The following KCNQ1 variants were observed in gnomAD, a reference collection of about 807,000 sequenced individuals.
The protein encoded by KCNQ1 is potassium voltage-gated channel subfamily Q member 1, also known as potassium voltage-gated channel subfamily KQT member 1.
Under a neutral mutation model 72.4 loss-of-function variants are expected in KCNQ1, and 49 were observed. The observed-to-expected ratio is 0.68, with a 90% CI of 0.54 to 0.86. The LOEUF (loss-of-function observed/expected upper bound fraction) is 0.86. Ranked by LOEUF, KCNQ1 falls within the 40% of genes least tolerant of loss-of-function variation. The probability of loss-of-function intolerance (pLI) is 0.00; values close to 1 mark genes in which losing one functional copy is unlikely to be tolerated. For synonymous variants in KCNQ1, 450 were observed against 412.6 expected (o/e 1.09, Z -1.10); for missense variants, 790 against 945.1 (o/e 0.84, Z 2.15).
chr11:2,618,203 G>A (rs1849101164), intron 10 of KCNQ1: 2 of 398,352 alleles, frequency 5.0e-6, no homozygotes, highest in Non-Finnish European at 8.8e-6. Context: ...TATGTATGGT[G>A]TAAGGCAGCG....
chr11:2,506,579 T>C (rs1169747683), intron 1 of KCNQ1, among the ~76,000 whole-genome samples: 2 of 152,368 alleles, frequency 1.3e-5, no homozygotes, highest in African/African-American at 4.8e-5. Flanking sequence ...TAGGTATGGA[T>C]GTTCCTATTG....
chr11:2,768,899 G>A lies in KCNQ1; in HGVS notation c.1570G>A (p.Val524Met). 1 of 1,614,028 alleles carries A rather than the reference G, an allele frequency of 6.2e-7. No homozygotes were observed. Among genetic ancestry groups the A allele is most frequent in the East Asian group, 2.2e-5 (1 of 44,850 alleles). Residue 524 changes from valine to methionine, a missense_variant, in exon 12 of 16, where the codon GTG becomes ATG. Val to Met is a conservative substitution (Grantham distance 21). This residue lies in a region of KCNQ1 where 91 missense variants were observed against 139.1 expected (regional missense o/e 0.65). Coordinates refer to ENST00000155840, the MANE Select transcript of KCNQ1 (RefSeq NM_000218.3). The surrounding 1 kb of genome is among the most constrained non-coding windows in gnomAD (Gnocchi z 6.7). ...IKVIRRMQYF[V>M]AKKKFQQARK... is the part of the protein sequence containing the mutation. ...GGTCATTCGACGCATGCAGTACTTT[G>A]TGGCCAAGAAGAAATTCCAGGTAAG...
chr11:2,601,563 G>C lies in KCNQ1; in HGVS notation c.1393+12709G>C, dbSNP rs533711705. Reference sequence around the variant, plus strand: ...GTTCCCATTATTTGTCCTTTTACACGGACTTTCTCCCATCCCATCCCTCCA... The same window carrying C: ...GTTCCCATTATTTGTCCTTTTACACCGACTTTCTCCCATCCCATCCCTCCA... On this transcript the variant is annotated intron_variant, in intron 10 of 15. Coordinates refer to ENST00000155840, the MANE Select transcript of KCNQ1 (RefSeq NM_000218.3). The surrounding 1 kb of genome is among the most constrained non-coding windows in gnomAD (Gnocchi z 5.2). 4.4e-4 allele frequency among the ~76,000 whole-genome samples: 67 copies of C among 152,134 alleles called. No homozygotes were observed. The highest frequency in any genetic ancestry group is 1.5e-3 in the African/African-American group (62 of 41,510).
rs1285777048 is a variant in KCNQ1 at position 2,687,176 on chromosome 11, CA to C, written c.1514+25099del. 2 of 398,528 alleles carry C rather than the reference CA, an allele frequency of 5.0e-6. No homozygotes were observed. Among genetic ancestry groups the C allele is most frequent in the Non-Finnish European group, 8.8e-6 (2 of 226,084 alleles). 24.7% of individuals were successfully genotyped at this position (398,528 alleles called of 1,614,324 possible). A position where few individuals can be genotyped will look rare whatever the true frequency, so the allele number is the denominator to read the frequency against. ...TCCTCCACAAAGCACAGAAGTCTGC[CA>C]AAAGCCCAGGCTGGATAGGGAGCAT... On this transcript the variant is annotated intron_variant, in intron 11 of 15. Coordinates refer to ENST00000155840, the MANE Select transcript of KCNQ1 (RefSeq NM_000218.3). This position sits in a 1 kb window ranked among gnomAD's most constrained non-coding sequence, Gnocchi z 5.0.
chr11:2,621,440 C>A lies in KCNQ1; in HGVS notation c.1393+32586C>A, dbSNP rs546366368. ...GTTTAAGTTCCTTATGGATTCTGGA[C>A]ATAGGACCTTTGCCAGATGAATAGT... On this transcript the variant is annotated intron_variant, in intron 10 of 15. Transcript: ENST00000155840. The surrounding 1 kb of genome is among the most constrained non-coding windows in gnomAD (Gnocchi z 5.7). The A allele has an allele frequency of 7.3e-5, 29 of 398,554 alleles. No individual in the cohort carries two copies. In the South Asian group the frequency reaches 3.6e-3, roughly 49 times the overall value. 24.7% of individuals were successfully genotyped at this position (398,554 alleles called of 1,614,324 possible). A position where few individuals can be genotyped will look rare whatever the true frequency, so the allele number is the denominator to read the frequency against.
rs923036187 is a variant in KCNQ1 at position 2,508,885 on chromosome 11, C to G, written c.387-19043C>G. 1.3e-5 allele frequency among the ~76,000 whole-genome samples: 2 copies of G among 152,328 alleles called. No individual in the cohort carries two copies. The highest frequency in any genetic ancestry group is 3.9e-4 in the East Asian group (2 of 5,186). ...CACCCATGTGCCTGATGCACACAGC[C>G]TGGCCCTTGTGGGCACTGGAGGGCA... On this transcript the variant is annotated intron_variant, in intron 1 of 15. Transcript: ENST00000155840. This position sits in a 1 kb window ranked among gnomAD's most constrained non-coding sequence, Gnocchi z 6.2.
intron 2 of KCNQ1, among the ~76,000 whole-genome samples, chr11:2,542,132 G>A (rs190920361): frequency 7.0e-4 from 107 of 152,330 alleles, no homozygotes; most frequent in East Asian, 2.3e-3. Context: ...GTCCACACAC[G>A]TCACCAATCC....
intron 11 of KCNQ1, among the ~76,000 whole-genome samples, chr11:2,714,082 CA>C (rs1211057128): frequency 1.3e-5 from 2 of 152,220 alleles, no homozygotes; most frequent in Non-Finnish European, 2.9e-5. Context: ...GGATGCGGGC[CA>C]GGACTCTTTC....
intron 2 of KCNQ1, among the ~76,000 whole-genome samples, chr11:2,546,359 G>T (rs1219657918): frequency 1.3e-5 from 2 of 152,160 alleles, no homozygotes; most frequent in African/African-American, 2.4e-5. Flanking sequence ...CCCAGAATAT[G>T]ATTTATCTTG....
chr11:2,777,720 C>T (rs1799942689), intron 14 of KCNQ1: 3 of 607,600 alleles, frequency 4.9e-6, no homozygotes, highest in Non-Finnish European at 5.9e-6. Context: ...TAGGCAGCCC[C>T]CTAGGGCTCT....
At position 2,783,126 on chromosome 11, in the gene KCNQ1, A is replaced by G. The variant is rs1846851753; in HGVS notation, c.1794+5089A>G. On this transcript the variant is annotated intron_variant, in intron 15 of 15. Transcript: ENST00000155840. This position sits in a 1 kb window ranked among gnomAD's most constrained non-coding sequence, Gnocchi z 5.2. Reference sequence around the variant, plus strand: ...GTTATAAATTTTTCCTTTAAATATCATCCAAACTACATCTCCCACATTTTG... The same window carrying G: ...GTTATAAATTTTTCCTTTAAATATCGTCCAAACTACATCTCCCACATTTTG... Among the ~76,000 whole-genome samples, 1 of 152,168 alleles carries G rather than the reference A, an allele frequency of 6.6e-6. No homozygotes were observed. The highest frequency in any genetic ancestry group is 2.1e-4 in the South Asian group (1 of 4,836).
In KCNQ1 at chr11:2,683,905, G is replaced by A. The variant is rs553406382; in HGVS notation, c.1514+21824G>A. ...ATCATAAATGCAAAAGATGGCCAAA[G>A]GTGCATGCTCTGTGACACGTTTCAT... On this transcript the variant is annotated intron_variant, in intron 11 of 15. Transcript: ENST00000155840. The surrounding 1 kb of genome is among the most constrained non-coding windows in gnomAD (Gnocchi z 4.7). The A allele has an allele frequency of 6.3e-5, 25 of 398,256 alleles. No individual in the cohort carries two copies. Among genetic ancestry groups the A allele is most frequent in the East Asian group, 5.7e-4 (16 of 28,064 alleles). 24.7% of individuals were successfully genotyped at this position (398,256 alleles called of 1,614,324 possible).
rs910319483 is a variant in KCNQ1, at chr11:2,818,131, G to C, written c.1795-29636G>C. Among the ~76,000 whole-genome samples, 4 of 152,192 alleles carry C rather than the reference G, an allele frequency of 2.6e-5. No individual in the cohort carries two copies. Among genetic ancestry groups the C allele is most frequent in the African/African-American group, 9.7e-5 (4 of 41,442 alleles). On this transcript the variant is annotated intron_variant, in intron 15 of 15. Coordinates refer to ENST00000155840, the MANE Select transcript of KCNQ1 (RefSeq NM_000218.3). The surrounding 1 kb of genome is among the most constrained non-coding windows in gnomAD (Gnocchi z 7.2). Reference sequence around the variant, plus strand: ...CTGAGTTCCACAACATCTAAACCCAGTGTCTGCTGGCCCTCAGAGTGGGAG... The same window carrying C: ...CTGAGTTCCACAACATCTAAACCCACTGTCTGCTGGCCCTCAGAGTGGGAG...
chr11:2,747,211 C>T (rs1299192323), intron 11 of KCNQ1, among the ~76,000 whole-genome samples: 3 of 152,244 alleles, frequency 2.0e-5, no homozygotes, highest in Admixed American at 1.3e-4. Context: ...TGAAGAAACG[C>T]CTTAGAAAGA....
At chr11:2,524,661 C>G (rs994484011) in intron 1 of KCNQ1, among the ~76,000 whole-genome samples, 4 of 152,186 alleles carry the variant, frequency 2.6e-5, no homozygotes, top group Admixed American at 6.5e-5. Flanking sequence ...TTGCAGTAGA[C>G]AGCACTGGCA....
At chr11:2,470,936 G>C (rs1846442227) in intron 1 of KCNQ1, among the ~76,000 whole-genome samples, 1 of 152,084 alleles carries the variant, frequency 6.6e-6, no homozygotes, top group African/African-American at 2.4e-5. Context: ...CAGATTTTCT[G>C]TTTTCTTCCA....
intron 11 of KCNQ1, among the ~76,000 whole-genome samples, chr11:2,747,040 C>T (rs995592620): frequency 2.0e-5 from 3 of 152,324 alleles, no homozygotes; most frequent in African/African-American, 7.2e-5. Flanking sequence ...TTCTCAAAGA[C>T]GGGTGCTGTC....
chr11:2,507,447 T>A lies in KCNQ1; in HGVS notation c.387-20481T>A, dbSNP rs1847123897. Among the ~76,000 whole-genome samples, 2 of 151,716 alleles carry A rather than the reference T, an allele frequency of 1.3e-5. No individual in the cohort carries two copies. Among genetic ancestry groups the A allele is most frequent in the African/African-American group, 4.8e-5 (2 of 41,260 alleles). Reference sequence around the variant, plus strand: ...GAGGGTTTGAAGGAAGGGTGAGAAGTCAGGACCACTGCTGTAGAAAACAGG... The same window carrying A: ...GAGGGTTTGAAGGAAGGGTGAGAAGACAGGACCACTGCTGTAGAAAACAGG... On this transcript the variant is annotated intron_variant, in intron 1 of 15. Transcript: ENST00000155840. The surrounding 1 kb of genome is among the most constrained non-coding windows in gnomAD (Gnocchi z 5.4).
rs1310051542 is a variant in KCNQ1, at chr11:2,781,949, C to T, written c.1794+3912C>T. Among the ~76,000 whole-genome samples, 1 of 152,126 alleles carries T rather than the reference C, an allele frequency of 6.6e-6. No homozygotes were observed. Among genetic ancestry groups the T allele is most frequent in the Non-Finnish European group, 1.5e-5 (1 of 68,008 alleles). On this transcript the variant is annotated intron_variant, in intron 15 of 15. Transcript: ENST00000155840. This position sits in a 1 kb window ranked among gnomAD's most constrained non-coding sequence, Gnocchi z 6.6. ...GATGAGAATGCCCCCCAACCCAGGA[C>T]TCCCAAAACCACACCCTGCCCATGC... is the stretch of plus-strand genomic sequence containing the variant.
Sources: gnomAD v4.1 joint callset for allele counts (sites outside exome capture counted in the v4.1 genomes callset) on GRCh38, gnomAD v4.1.1 for gene constraint, gnomAD v4.1.1 regional missense constraint, Gnocchi (gnomAD v3.1) non-coding constraint, MANE v1.5 for transcripts, NCBI Gene and HGNC (gene_info 2026-07-23, HGNC 2026-07-21) for gene names.